The following GKAP1 variants were observed in gnomAD, a reference collection of about 807,000 sequenced individuals.
GKAP1 encodes the protein G kinase-anchoring protein 1.
A neutral mutation model predicts 56.7 loss-of-function variants in GKAP1; 31 were observed. The ratio of observed to expected loss-of-function variants is 0.55; its 90% CI spans 0.41 to 0.74. GKAP1 has a LOEUF of 0.74. Among genes scored for constraint, GKAP1 ranks in the 30% least tolerant of loss-of-function variants. GKAP1 has a pLI of 0.00. For missense variants in GKAP1, 364 were observed against 402.3 expected (o/e 0.90, Z 0.82); for synonymous variants, 151 against 138.6 (o/e 1.09, Z -0.63).
intron 2 of GKAP1, among the ~76,000 whole-genome samples, chr9:83,809,502 G>A (rs1944479869): frequency 6.6e-6 from 1 of 152,224 alleles, no homozygotes. Flanking sequence ...ACAGGCTTGT[G>A]AAACTGTTGG....
chr9:83,790,504 C>T (rs922088847), intron 4 of GKAP1, among the ~76,000 whole-genome samples: 8 of 152,076 alleles, frequency 5.3e-5, no homozygotes, highest in Non-Finnish European at 8.8e-5. Flanking sequence ...CAAAACTAGG[C>T]CGGCACAGTG....
At chr9:83,804,164 G>A (rs1587738974) in intron 3 of GKAP1, among the ~76,000 whole-genome samples, 1 of 146,058 alleles carries the variant, frequency 6.8e-6, no homozygotes, top group African/African-American at 2.5e-5. Context: ...CCGTCTGGGA[G>A]GTGAGGGGCG....
chr9:83,739,890 T>C (rs1943178119), intron 12 of GKAP1, 146 bp from the exon 13 acceptor site: 1 of 604,634 alleles, frequency 1.7e-6, no homozygotes, highest in South Asian at 2.3e-5. Context: ...TGAGTCTACA[T>C]ACTGTTACAT....
intron 4 of GKAP1, among the ~76,000 whole-genome samples, chr9:83,794,074 G>A (rs1317567498): frequency 2.0e-5 from 3 of 152,068 alleles, no homozygotes; most frequent in Non-Finnish European, 2.9e-5. Context: ...AGGCTGAGGC[G>A]GGAGAATCAT....
intron 7 of GKAP1, among the ~76,000 whole-genome samples, chr9:83,770,009 G>A (rs1299950081): frequency 6.6e-6 from 1 of 152,082 alleles, no homozygotes; most frequent in Admixed American, 6.6e-5. Flanking sequence ...ATATCTTTTT[G>A]GAGAAATGTC....
At chr9:83,760,386 A>G (rs1943548928) in intron 8 of GKAP1, among the ~76,000 whole-genome samples, 2 of 152,310 alleles carry the variant, frequency 1.3e-5, no homozygotes, top group South Asian at 4.1e-4. Flanking sequence ...TATTAGAGCT[A>G]AAGAGAGAGA....
chr9:83,747,169 ATTTC>A (rs1415263787), intron 10 of GKAP1, among the ~76,000 whole-genome samples: 1 of 152,138 alleles, frequency 6.6e-6, no homozygotes, highest in African/African-American at 2.4e-5. Flanking sequence ...ATTAACATAT[ATTTC>A]TTTTTCTATT....
intron 8 of GKAP1, among the ~76,000 whole-genome samples, chr9:83,756,099 C>G (rs1052931795): frequency 4.6e-5 from 7 of 152,110 alleles, no homozygotes; most frequent in Admixed American, 2.6e-4. Context: ...CCCACCGCAC[C>G]CAGCCAAACT....
At chr9:83,788,383 C>A (rs1336183195) in intron 5 of GKAP1, among the ~76,000 whole-genome samples, 10 of 152,162 alleles carry the variant, frequency 6.6e-5, no homozygotes. Context: ...CCTTAACATT[C>A]CAAGTCACCG....
In GKAP1 at chr9:83,802,618, C is replaced by T. The variant is rs565380940; in HGVS notation, c.217-3290G>A. ...CTGAGGCAGGTGGACTGCTTGAGGC[C>T]AGGAGTTTGAGAACAGCCTGGGCAA... On this transcript the variant is annotated intron_variant, in intron 3 of 12. Transcript: ENST00000376371. 2.5e-3 allele frequency among the ~76,000 whole-genome samples: 382 copies of T among 152,078 alleles called. 2 individuals are homozygous for T. Among genetic ancestry groups the T allele is most frequent in the African/African-American group, 9.0e-3 (372 of 41,486 alleles).
At chr9:83,777,589 C>T (rs562048699) in intron 7 of GKAP1, among the ~76,000 whole-genome samples, 6 of 152,186 alleles carry the variant, frequency 3.9e-5, no homozygotes, top group Admixed American at 6.5e-5. Flanking sequence ...CACCTCATCA[C>T]CCATCAATAA....
chr9:83,812,106 A>G (rs1357121316), intron 2 of GKAP1, among the ~76,000 whole-genome samples: 1 of 151,760 alleles, frequency 6.6e-6, no homozygotes, highest in Non-Finnish European at 1.5e-5. Flanking sequence ...AAAGAAATGC[A>G]TGGGATTACT....
At chr9:83,745,125 G>C (rs1191377415) in intron 10 of GKAP1, among the ~76,000 whole-genome samples, 1 of 151,986 alleles carries the variant, frequency 6.6e-6, no homozygotes, top group African/African-American at 2.4e-5. Context: ...CAGCCTCCTG[G>C]GCTCATGCAA....
chr9:83,801,072 G>C (rs924984274), intron 3 of GKAP1, among the ~76,000 whole-genome samples: 17 of 152,200 alleles, frequency 1.1e-4, no homozygotes, highest in Non-Finnish European at 2.2e-4. Flanking sequence ...GGTCTTTACA[G>C]ATGTAATCAA....
At chr9:83,752,739 CTA>C (rs1357646548) in intron 9 of GKAP1, among the ~76,000 whole-genome samples, 1 of 152,124 alleles carries the variant, frequency 6.6e-6, no homozygotes, top group Non-Finnish European at 1.5e-5. Flanking sequence ...ATAAATTATA[CTA>C]TGTGTAAACT....
At chr9:83,763,427 A>G (rs1051757602) in intron 8 of GKAP1, among the ~76,000 whole-genome samples, 1 of 152,224 alleles carries the variant, frequency 6.6e-6, no homozygotes, top group African/African-American at 2.4e-5. Flanking sequence ...AAAAATAACT[A>G]AAATAGTATC....
At chr9:83,792,512 A>G (rs1944177855) in intron 4 of GKAP1, among the ~76,000 whole-genome samples, 1 of 152,230 alleles carries the variant, frequency 6.6e-6, no homozygotes, top group Admixed American at 6.5e-5. Flanking sequence ...AAAATAAAGA[A>G]GAGACTGATC....
intron 7 of GKAP1, among the ~76,000 whole-genome samples, chr9:83,775,874 C>CA (rs55669011): frequency 0.052 from 2,264 of 43,562 alleles, 108 homozygotes; most frequent in African/African-American, 0.09. Context: ...GACTCTGTCT[C>CA]AAAAAAAAAA....
chr9:83,804,531 T>C (rs1454213341), intron 3 of GKAP1, among the ~76,000 whole-genome samples: 1 of 41,522 alleles, frequency 2.4e-5, no homozygotes, highest in Non-Finnish European at 4.5e-5. Context: ...GGTGGGGGGG[T>C]CAGCCCCCCG....
Sources: gnomAD v4.1 joint callset for allele counts (sites outside exome capture counted in the v4.1 genomes callset) on GRCh38, gnomAD v4.1.1 for gene constraint, MANE v1.5 for transcripts, NCBI Gene and HGNC (gene_info 2026-07-23, HGNC 2026-07-21) for gene names.